Variants in CSMD3 observed in about 807,000 individuals in gnomAD.
The protein encoded by CSMD3 is CUB and sushi domain-containing protein 3.
A neutral mutation model predicts 435.2 loss-of-function variants in CSMD3; 177 were observed. The observed-to-expected ratio is 0.41, with a 90% CI of 0.36 to 0.46. The LOEUF is 0.46. CSMD3 is among the 20% of genes least tolerant of loss of function. CSMD3 has a pLI of 0.34. For missense variants in CSMD3, 4,265 were observed against 4,504.6 expected, an observed-to-expected ratio of 0.95 and a Z score of 1.52; for synonymous variants, 1,656 against 1,520.5, an observed-to-expected ratio of 1.09 and a Z score of -2.07.
At chr8:113,384,096 C>T (rs914110348) in intron 1 of CSMD3, among the ~76,000 whole-genome samples, 2 of 152,170 alleles carry the variant, frequency 1.3e-5, no homozygotes, top group African/African-American at 4.8e-5. Flanking sequence ...TCCCACCATA[C>T]TTAAAAACCT....
chr8:112,460,363 A>G (rs922662636), intron 32 of CSMD3, among the ~76,000 whole-genome samples: 2 of 152,016 alleles, frequency 1.3e-5, no homozygotes, highest in Non-Finnish European at 2.9e-5. Flanking sequence ...AGTAAGGAGA[A>G]GCAAAGGGGT....
At chr8:112,869,645 A>G (rs988997378) in intron 10 of CSMD3, among the ~76,000 whole-genome samples, 1 of 152,234 alleles carries the variant, frequency 6.6e-6, no homozygotes, top group African/African-American at 2.4e-5. Context: ...ATGCCCATCA[A>G]TGATAGACTG....
intron 22 of CSMD3, among the ~76,000 whole-genome samples, chr8:112,606,490 C>A (rs1422527774): frequency 6.6e-6 from 1 of 152,150 alleles, no homozygotes; most frequent in Non-Finnish European, 1.5e-5. Context: ...CCCAGATCAT[C>A]CAGGCAGATA....
At chr8:112,656,401 T>C in intron 17 of CSMD3, 60 bp from the exon 18 acceptor site, 1 of 1,215,426 alleles carries the variant, frequency 8.2e-7, no homozygotes, top group Admixed American at 2.1e-5. Context: ...ATGGAAATAA[T>C]GCTTTGGACT....
intron 1 of CSMD3, among the ~76,000 whole-genome samples, chr8:113,424,285 C>T (rs751450517): frequency 2.0e-5 from 3 of 151,596 alleles, no homozygotes; most frequent in Non-Finnish European, 4.4e-5. Flanking sequence ...GTATTTTCCC[C>T]ATTATGTCTT....
At chr8:112,912,493 G>C (rs2082451746) in intron 10 of CSMD3, among the ~76,000 whole-genome samples, 1 of 151,616 alleles carries the variant, frequency 6.6e-6, no homozygotes, top group Admixed American at 6.6e-5. Context: ...ATGGTACTGG[G>C]AAAACTGCAT....
intron 35 of CSMD3, among the ~76,000 whole-genome samples, chr8:112,391,689 C>T (rs994101084): frequency 1.0e-4 from 12 of 116,534 alleles, no homozygotes; most frequent in Non-Finnish European, 1.6e-4. Flanking sequence ...AAGACTCCAT[C>T]TCAAAAAAAA....
chr8:112,541,059 A>G (rs1466219774), intron 27 of CSMD3, among the ~76,000 whole-genome samples: 1 of 151,988 alleles, frequency 6.6e-6, no homozygotes, highest in Admixed American at 6.6e-5. Context: ...TTACATACCA[A>G]TAAAAAAGAG....
intron 3 of CSMD3, among the ~76,000 whole-genome samples, chr8:113,214,788 G>T (rs1279812473): frequency 6.6e-6 from 1 of 151,628 alleles, no homozygotes; most frequent in Non-Finnish European, 1.5e-5. Flanking sequence ...CAAATACAGA[G>T]AACAATAAAA....
intron 38 of CSMD3, among the ~76,000 whole-genome samples, chr8:112,365,468 CTTTTTTTTTTTTTT>C (rs546920182): frequency 8.9e-6 from 1 of 112,650 alleles, no homozygotes; most frequent in Non-Finnish European, 1.7e-5. Context: ...CATAGATTTC[CTTTTTTTTTTTTTT>C]TTTTTTTTTT....
intron 5 of CSMD3, among the ~76,000 whole-genome samples, chr8:113,039,689 G>A (rs1478499427): frequency 6.6e-6 from 1 of 152,054 alleles, no homozygotes; most frequent in Non-Finnish European, 1.5e-5. Context: ...CTTAAAGAAA[G>A]AAGGAAGAAC....
intron 13 of CSMD3, among the ~76,000 whole-genome samples, chr8:112,773,113 C>T (rs542261341): frequency 4.0e-4 from 61 of 151,920 alleles, no homozygotes; most frequent in African/African-American, 1.4e-3. Context: ...TGACGAGAAA[C>T]GCTTACAGGT....
chr8:112,300,830 T>G (rs1820852449), intron 53 of CSMD3, among the ~76,000 whole-genome samples: 1 of 152,186 alleles, frequency 6.6e-6, no homozygotes, highest in Admixed American at 6.6e-5. Context: ...AAATAATGAT[T>G]GTATTTCTAT....
chr8:113,340,858 G>T (rs1005919350), intron 1 of CSMD3, among the ~76,000 whole-genome samples: 1 of 105,228 alleles, frequency 9.5e-6, no homozygotes, highest in Non-Finnish European at 1.9e-5. Context: ...GACAAAGCAA[G>T]ACTTTGTCTC....
rs373428331 is a variant in CSMD3, at chr8:112,643,383, T to C, written c.3310+1726A>G. On this transcript the variant is annotated intron_variant, in intron 20 of 70. Transcript: ENST00000297405. ...GGTTAGACTATATTACCTTGAATAT[T>C]TCTCCCAACTTTGAAATTTTCCTTC... is the stretch of plus-strand genomic sequence containing the variant. The C allele has an allele frequency of 5.9e-4, 94 of 159,498 alleles. 1 individual carries two copies. The South Asian group carries it at 6.7e-3, about 11-fold the overall frequency. The allele number at this position is 159,498 out of a possible 1,614,324, so 9.9% of individuals were successfully genotyped here.
intron 13 of CSMD3, among the ~76,000 whole-genome samples, chr8:112,789,687 T>G (rs2078638696): frequency 6.6e-6 from 1 of 152,058 alleles, no homozygotes; most frequent in Middle Eastern, 3.3e-3. Flanking sequence ...AAGTTTTTAT[T>G]ATTGACATAA....
At chr8:112,416,737 C>CA (rs1322904711) in intron 32 of CSMD3, among the ~76,000 whole-genome samples, 5 of 151,660 alleles carry the variant, frequency 3.3e-5, no homozygotes, top group Non-Finnish European at 7.4e-5. Flanking sequence ...ATTAATATTT[C>CA]AATTTGTTTG....
intron 5 of CSMD3, among the ~76,000 whole-genome samples, chr8:113,082,238 C>G (rs1358501116): frequency 1.3e-5 from 2 of 152,118 alleles, no homozygotes; most frequent in East Asian, 3.9e-4. Context: ...GATAGACCCA[C>G]CTGGGGCCCA....
At chr8:113,222,507 G>A (rs2092979944) in intron 3 of CSMD3, among the ~76,000 whole-genome samples, 1 of 150,796 alleles carries the variant, frequency 6.6e-6, no homozygotes, top group South Asian at 2.1e-4. Flanking sequence ...TTTTAAAAAC[G>A]TAACACATTT....
Sources: gnomAD v4.1 joint callset for allele counts (sites outside exome capture counted in the v4.1 genomes callset) on GRCh38, gnomAD v4.1.1 for gene constraint, MANE v1.5 for transcripts, NCBI Gene and HGNC (gene_info 2026-07-23, HGNC 2026-07-21) for gene names.